The following ANKRD36B variants were observed in gnomAD, a reference collection of about 807,000 sequenced individuals.
ANKRD36B encodes the protein ankyrin repeat domain 36B, also known as ankyrin repeat domain-containing protein 36B.
ANKRD36B carries 37 observed loss-of-function variants against 135.7 expected under a neutral mutation model. That is an observed-to-expected ratio of 0.27 (90% CI 0.21 to 0.36). ANKRD36B has a LOEUF of 0.36. Ranked by LOEUF, ANKRD36B falls within the 10% of genes least tolerant of loss-of-function variation. The probability of loss-of-function intolerance (pLI) is 1.00; values close to 1 mark genes in which losing one functional copy is unlikely to be tolerated. For synonymous variants in ANKRD36B, 179 were observed against 348.1 expected, an observed-to-expected ratio of 0.51 and a Z score of 5.41; for missense variants, 549 against 1,037.1, an observed-to-expected ratio of 0.53 and a Z score of 6.46.
chr2:97,580,033 T>C (rs1267058480), intron 4 of ANKRD36B, among the ~76,000 whole-genome samples: 5 of 152,188 alleles, frequency 3.3e-5, no homozygotes, highest in African/African-American at 7.2e-5. Context: ...CTATCTTTTT[T>C]CCCCCTCCCC....
chr2:97,538,642 C>T lies in ANKRD36B; in HGVS notation c.1988-279G>A, dbSNP rs1012141297. ...AAGTGTCAATATCAATGTGGATATG[C>T]TGAATGATGAAAAGAAATGTGATCT... On this transcript the variant is annotated intron_variant, in intron 30 of 43. Coordinates refer to ENST00000359901, the MANE Select transcript of ANKRD36B (RefSeq NM_001393939.1). Among the ~76,000 whole-genome samples, 2 of 96,900 alleles carry T rather than the reference C, an allele frequency of 2.1e-5. 1 individual carries two copies. The highest frequency in any genetic ancestry group is 5.5e-5 in the Non-Finnish European group (2 of 36,416). 63.6% of individuals were successfully genotyped at this position (96,900 alleles called of 152,430 possible).
intron 8 of ANKRD36B, among the ~76,000 whole-genome samples, chr2:97,560,065 C>T (rs199637936): frequency 2.6e-5 from 4 of 151,966 alleles, no homozygotes; most frequent in South Asian, 2.1e-4. Context: ...CAGTAGTTCT[C>T]AGAGCAGCCA....
intron 12 of ANKRD36B, among the ~76,000 whole-genome samples, chr2:97,555,823 A>G (rs2080473187): frequency 6.6e-6 from 1 of 151,930 alleles, no homozygotes; most frequent in Non-Finnish European, 1.5e-5. Context: ...TTCATTATTT[A>G]TAATACCCAT....
At position 97,538,426 on chromosome 2, in the gene ANKRD36B, C is replaced by T. The variant is rs2078996707; in HGVS notation, c.1988-63G>A. On this transcript the variant is annotated intron_variant, in intron 30 of 43. Transcript: ENST00000359901. ...AATATGATAAAGTTATCCACACATTCATGCAGTGTTAGCATCAAGCTGTAT... is the reference window on the plus strand; with the variant it reads ...AATATGATAAAGTTATCCACACATTTATGCAGTGTTAGCATCAAGCTGTAT... 2.1e-5 allele frequency: 19 copies of T among 884,008 alleles called. 6 individuals are homozygous for T. The highest frequency in any genetic ancestry group is 3.2e-5 in the Non-Finnish European group (19 of 594,796). The allele number at this position is 884,008 out of a possible 1,614,324, so 54.8% of individuals were successfully genotyped here. A position where few individuals can be genotyped will look rare whatever the true frequency, so the allele number is the denominator to read the frequency against.
At position 97,572,778 on chromosome 2, in the gene ANKRD36B, G is replaced by T. The variant is rs531596565; in HGVS notation, c.763+3601C>A. 1.0e-3 allele frequency among the ~76,000 whole-genome samples: 155 copies of T among 151,738 alleles called. 4 individuals carry two copies. The East Asian group carries it at 0.012, about 12-fold the overall frequency. On this transcript the variant is annotated intron_variant, in intron 6 of 43. Transcript: ENST00000359901. ...AGTAAAAGCAGAGATATTACAAGAG[G>T]TCATGAAAAGGGAATTGCACTAAAA...
intron 34 of ANKRD36B, among the ~76,000 whole-genome samples, chr2:97,535,486 AAC>A (rs201309834): frequency 0.59 from 59,315 of 101,320 alleles, 13,178 homozygotes; most frequent in African/African-American, 0.63. Flanking sequence ...AAAAAAATAA[AAC>A]ACACACACAC....
At chr2:97,587,599 G>A (rs2083107991) in intron 1 of ANKRD36B, among the ~76,000 whole-genome samples, 1 of 152,086 alleles carries the variant, frequency 6.6e-6, no homozygotes, top group Non-Finnish European at 1.5e-5. Context: ...CAAATACACT[G>A]CTATTTTAAG....
rs565907285 is a variant in ANKRD36B at position 97,551,318 on chromosome 2, T to C, written c.1346A>G (p.Glu449Gly). The C allele has an allele frequency of 2.3e-5, 37 of 1,576,240 alleles. No individual in the cohort carries two copies. The highest frequency in any genetic ancestry group is 5.4e-5 in the African/African-American group (4 of 74,082). The change falls in exon 18 of 44, where the codon GAA becomes GGA. Residue 449 changes from glutamate (E) to glycine (G), a missense_variant. Glu to Gly is a moderately conservative substitution (Grantham distance 98). Coordinates refer to ENST00000359901, the MANE Select transcript of ANKRD36B (RefSeq NM_001393939.1). ...CCTAGATATTTCTCCATCCTTTTTT[T>C]CTCTGGTTATATTCGAAAAAGAATC... ...EKDSFSNITR[E>G]KKDGEISRTV...
At chr2:97,579,133 T>C in intron 4 of ANKRD36B, 90 bp from the exon 5 acceptor site, 1 of 1,326,376 alleles carries the variant, frequency 7.5e-7, no homozygotes, top group South Asian at 1.5e-5. Flanking sequence ...TGCCTGTCCA[T>C]GTAGAATTAA....
chr2:97,560,568 G>T, intron 8 of ANKRD36B, 97 bp downstream of exon 8: 1 of 1,530,816 alleles, frequency 6.5e-7, no homozygotes, highest in Non-Finnish European at 8.9e-7. Flanking sequence ...GAATCAGAAC[G>T]TGCAGCTTAT....
chr2:97,540,530 C>A (rs572783728), intron 28 of ANKRD36B, among the ~76,000 whole-genome samples: 1 of 96,412 alleles, frequency 1.0e-5, no homozygotes, highest in South Asian at 2.3e-4. Flanking sequence ...CAAATGTGAT[C>A]TAAAATCAGA....
Position 97,553,222 on chromosome 2 carries a change from C to G in ANKRD36B, c.1219G>C (p.Gly407Arg). Residue 407 changes from glycine to arginine, a missense_variant, in exon 16 of 44, where the codon GGT (glycine) becomes CGT (arginine). Coordinates refer to ENST00000359901, the MANE Select transcript of ANKRD36B (RefSeq NM_001393939.1). The stretch of plus-strand genomic sequence containing the variant: ...TCTGTGGCTATATTAGAAACAGAAC[C>G]TTCCTCGTCAGTTGTAGCCTGAATG... ...QALKATTDEEGSVSNIATEIK... is the reference protein window; with the variant it reads ...QALKATTDEERSVSNIATEIK... 2 of 1,610,886 alleles carry G rather than the reference C, an allele frequency of 1.2e-6. No individual in the cohort carries two copies. Among genetic ancestry groups the G allele is most frequent in the Non-Finnish European group, 1.7e-6 (2 of 1,178,724 alleles).
chr2:97,589,485 C>T, intron 1 of ANKRD36B, 40 bp downstream of exon 1: 2 of 1,532,962 alleles, frequency 1.3e-6, no homozygotes, highest in Non-Finnish European at 1.8e-6. Context: ...TCCACATCCA[C>T]AGGCCTCCTC....
At chr2:97,549,200 A>G (rs1231670043) in intron 20 of ANKRD36B, among the ~76,000 whole-genome samples, 29 of 151,818 alleles carry the variant, frequency 1.9e-4, no homozygotes, top group Admixed American at 1.9e-3. Flanking sequence ...CCCAACTTCA[A>G]TGTGGGGAAG....
intron 1 of ANKRD36B, among the ~76,000 whole-genome samples, chr2:97,588,397 T>C (rs2442311): frequency 6.6e-6 from 1 of 152,026 alleles, no homozygotes; most frequent in Non-Finnish European, 1.5e-5. Flanking sequence ...CAACCTAATA[T>C]ATTCTTACAC....
rs568416062 is a variant in ANKRD36B at position 97,559,001 on chromosome 2, A to T, written c.866-7T>A. On this transcript the variant is annotated splice_polypyrimidine_tract_variant and splice_region_variant and intron_variant, in intron 8 of 43. Transcript: ENST00000359901. ...GGTTGTTTCTGAGAAGACACTGAAAAGCAAAAGGGAAACATAATCACTCAC... is the reference window on the plus strand; with the variant it reads ...GGTTGTTTCTGAGAAGACACTGAAATGCAAAAGGGAAACATAATCACTCAC... 1.3e-5 allele frequency: 21 copies of T among 1,603,306 alleles called. No homozygotes were observed. The African/African-American group carries it at 2.3e-4, about 17-fold the overall frequency.
At chr2:97,571,383 T>C (rs371896381) in intron 6 of ANKRD36B, among the ~76,000 whole-genome samples, 21 of 151,900 alleles carry the variant, frequency 1.4e-4, no homozygotes, top group East Asian at 3.9e-4. Flanking sequence ...GGCGGTGCCT[T>C]ACACCTATAA....
At chr2:97,563,923 T>C (rs114035080) in intron 6 of ANKRD36B, among the ~76,000 whole-genome samples, 1 of 152,236 alleles carries the variant, frequency 6.6e-6, no homozygotes, top group Admixed American at 6.6e-5. Context: ...TATGCTGCCA[T>C]CATCACATGG....
chr2:97,585,985 C>A (rs2082952927), intron 1 of ANKRD36B, among the ~76,000 whole-genome samples: 1 of 152,206 alleles, frequency 6.6e-6, no homozygotes, highest in Admixed American at 6.5e-5. Context: ...GTTTACAATT[C>A]ATTATTTATT....
Sources: allele counts gnomAD v4.1 joint callset (sites outside exome capture counted in the v4.1 genomes callset), GRCh38; gene constraint gnomAD v4.1.1; transcripts MANE v1.5; gene names NCBI Gene and HGNC (gene_info 2026-07-23, HGNC 2026-07-21).